The following SMAD6 variants were observed in gnomAD, a reference collection of about 807,000 sequenced individuals.
The protein encoded by SMAD6 is MAD homolog 6.
SMAD6 carries 103 observed loss-of-function variants against 39.4 expected under a neutral mutation model. The observed-to-expected ratio is 2.62, with a 90% CI of 2.23 to 3.08. The LOEUF is 3.08. Ranked by LOEUF, SMAD6 falls within the 30% of genes most tolerant of loss-of-function variation. SMAD6 has a pLI of 0.00. For missense variants in SMAD6, 1,104 were observed against 742.9 expected (o/e 1.49, Z -5.65); for synonymous variants, 445 against 353.3 (o/e 1.26, Z -2.91).
intron 3 of SMAD6, among the ~76,000 whole-genome samples, chr15:66,720,374 A>G (rs1893410492): frequency 6.6e-6 from 1 of 152,138 alleles, no homozygotes; most frequent in African/African-American, 2.4e-5. Flanking sequence ...CTAGAAAAAC[A>G]ATGAACATGT....
chr15:66,719,872 A>G (rs1046019286), intron 3 of SMAD6, among the ~76,000 whole-genome samples: 7 of 151,958 alleles, frequency 4.6e-5, no homozygotes, highest in African/African-American at 1.7e-4. Context: ...CCCACTAAAC[A>G]GTGTAGAGGG....
At chr15:66,741,321 GCCTCAAACCCCAC>G (rs147099426) in intron 3 of SMAD6, among the ~76,000 whole-genome samples, 83,759 of 151,812 alleles carry the variant, frequency 0.55, 23,135 homozygotes, top group East Asian at 0.73. Flanking sequence ...GAGGTGGTTT[GCCTCAAACCCCAC>G]CCTCAAATCC....
At chr15:66,735,919 G>A (rs921968884) in intron 3 of SMAD6, among the ~76,000 whole-genome samples, 1 of 152,272 alleles carries the variant, frequency 6.6e-6, no homozygotes, top group Non-Finnish European at 1.5e-5. Context: ...TAGAGGCGAA[G>A]AGGACCTGGA....
intron 3 of SMAD6, among the ~76,000 whole-genome samples, chr15:66,730,710 G>A (rs1893612199): frequency 1.3e-5 from 2 of 152,234 alleles, no homozygotes; most frequent in South Asian, 4.1e-4. Flanking sequence ...GGCAGACACT[G>A]TGCTGTTTCT....
intron 3 of SMAD6, among the ~76,000 whole-genome samples, chr15:66,733,879 C>T (rs2053423): frequency 0.71 from 108,440 of 152,116 alleles, 38,681 homozygotes; most frequent in East Asian, 0.84. Context: ...ACATAAACTG[C>T]AGGATGGGAG....
chr15:66,753,377 A>G (rs1894041202), intron 3 of SMAD6, among the ~76,000 whole-genome samples: 1 of 152,170 alleles, frequency 6.6e-6, no homozygotes, highest in Non-Finnish European at 1.5e-5. Flanking sequence ...GCGTTGGGCC[A>G]TCTCCAAGGA....
At chr15:66,718,114 G>A (rs1215026465) in intron 3 of SMAD6, among the ~76,000 whole-genome samples, 1 of 86,862 alleles carries the variant, frequency 1.2e-5, no homozygotes, top group Non-Finnish European at 2.7e-5. Context: ...GAAAGTCCGT[G>A]TGTGTGTGTG....
intron 1 of SMAD6, chr15:66,704,354 C>T (rs932062556): frequency 3.5e-5 from 11 of 318,774 alleles, no homozygotes; most frequent in Non-Finnish European, 5.1e-5. Flanking sequence ...ATGTAGGCTC[C>T]AACTTCATAG....
intron 2 of SMAD6, among the ~76,000 whole-genome samples, chr15:66,714,139 T>G (rs1893282736): frequency 6.6e-6 from 1 of 152,222 alleles, no homozygotes; most frequent in Non-Finnish European, 1.5e-5. Flanking sequence ...GCACCTCAGT[T>G]TGAATGTCAA....
intron 1 of SMAD6, among the ~76,000 whole-genome samples, chr15:66,710,536 C>G (rs1056656595): frequency 3.3e-5 from 5 of 152,172 alleles, no homozygotes; most frequent in African/African-American, 1.2e-4. Context: ...TGGCTTATTA[C>G]AATTGTGAAA....
At position 66,781,916 on chromosome 15, in the gene SMAD6, A is replaced by G. The variant is rs1424411678; in HGVS notation, c.*381A>G. On this transcript the variant is annotated 3_prime_UTR_variant, in exon 4 of 4. Coordinates refer to ENST00000288840, the MANE Select transcript of SMAD6 (RefSeq NM_005585.5). ...AGGTGGAAAAGCCTGGGTTTGGTGT[A>G]TGGTTTTTGAGATATTAATGCCCAG... 7 of 398,810 alleles carry G rather than the reference A, an allele frequency of 1.8e-5. No homozygotes were observed. In the Admixed American group the frequency reaches 2.2e-4, roughly 13 times the overall value. The allele number at this position is 398,810 out of a possible 1,614,324, so 24.7% of individuals were successfully genotyped here.
intron 3 of SMAD6, among the ~76,000 whole-genome samples, chr15:66,727,238 G>A (rs28629948): frequency 0.29 from 43,727 of 151,730 alleles, 6,592 homozygotes; most frequent in East Asian, 0.43. Flanking sequence ...GAGTAGCTGG[G>A]ACTACAAGCG....
intron 3 of SMAD6, among the ~76,000 whole-genome samples, chr15:66,746,681 G>A (rs1375027100): frequency 6.6e-6 from 1 of 152,220 alleles, no homozygotes; most frequent in East Asian, 1.9e-4. Context: ...TCAAGCTGAG[G>A]CCTGGACACT....
intron 2 of SMAD6, among the ~76,000 whole-genome samples, chr15:66,712,222 T>C (rs1317100345): frequency 3.3e-5 from 5 of 152,172 alleles, no homozygotes; most frequent in African/African-American, 1.2e-4. Context: ...AATTGGAGTG[T>C]TAAAAAGGAA....
chr15:66,776,975 C>T lies in SMAD6; in HGVS notation c.953-4022C>T, dbSNP rs770452835. ...TCGCTTGAGCCTGGGAGGTCGAGGC[C>T]GCAGTGAGCCATGACTGCACCACAG... On this transcript the variant is annotated intron_variant, in intron 3 of 3. Coordinates refer to ENST00000288840, the MANE Select transcript of SMAD6 (RefSeq NM_005585.5). Among the ~76,000 whole-genome samples the T allele has an allele frequency of 1.8e-4, 28 of 152,036 alleles. 1 individual carries two copies. The highest frequency in any genetic ancestry group is 2.1e-4 in the South Asian group (1 of 4,824).
intron 3 of SMAD6, among the ~76,000 whole-genome samples, chr15:66,761,260 C>T (rs1033643412): frequency 6.6e-6 from 1 of 152,148 alleles, no homozygotes; most frequent in East Asian, 1.9e-4. Flanking sequence ...CTCTAGCAGC[C>T]CCGTACAATG....
At position 66,703,957 on chromosome 15, in the gene SMAD6, C is replaced by T. The variant is rs754367959; in HGVS notation, c.699C>T (p.Pro233=). The T allele has an allele frequency of 7.0e-7, 1 of 1,427,630 alleles. No homozygotes were observed. 88.4% of individuals were successfully genotyped at this position (1,427,630 alleles called of 1,614,324 possible). The change falls in exon 1 of 4, where the codon CCC becomes CCT. Residue 233 remains proline (P), a synonymous_variant. Coordinates refer to ENST00000288840, the MANE Select transcript of SMAD6 (RefSeq NM_005585.5). ...TGCTCGGCCGCCTCTTTCGCTGGCC[C>T]GACCTGCAGCACGCCGTGGAGCTGA... ...QLLLGRLFRW[P]DLQHAVELKP...
chr15:66,736,872 G>A (rs1893721660), intron 3 of SMAD6, among the ~76,000 whole-genome samples: 2 of 152,136 alleles, frequency 1.3e-5, no homozygotes, highest in African/African-American at 4.8e-5. Context: ...GTTTCACCAT[G>A]TTGGCCAGGA....
At chr15:66,765,032 C>G (rs1398256019) in intron 3 of SMAD6, among the ~76,000 whole-genome samples, 2 of 152,146 alleles carry the variant, frequency 1.3e-5, no homozygotes, top group Non-Finnish European at 2.9e-5. Flanking sequence ...AAAACTTGAC[C>G]CAGCAAAGAG....
Sources: gnomAD v4.1 joint callset for allele counts (sites outside exome capture counted in the v4.1 genomes callset) on GRCh38, gnomAD v4.1.1 for gene constraint, MANE v1.5 for transcripts, NCBI Gene and HGNC (gene_info 2026-07-23, HGNC 2026-07-21) for gene names.